The following SLC34A2 variants were observed in gnomAD, a reference collection of about 807,000 sequenced individuals.
SLC34A2 encodes solute carrier family 34 member 2.
SLC34A2 carries 41 observed loss-of-function variants against 50.8 expected under a neutral mutation model. The ratio of observed to expected loss-of-function variants is 0.81; its 90% CI spans 0.63 to 1.05. The LOEUF (loss-of-function observed/expected upper bound fraction) is 1.05, where lower values mean the gene tolerates loss of function less well. Ranked by LOEUF, SLC34A2 falls within the 50% of genes least tolerant of loss-of-function variation. The pLI is 0.00. For missense variants in SLC34A2, 879 were observed against 876.7 expected (o/e 1.00, Z -0.03); for synonymous variants, 401 against 364.2 (o/e 1.10, Z -1.15).
intron 1 of SLC34A2, among the ~76,000 whole-genome samples, chr4:25,659,901 C>T (rs1333975493): frequency 6.6e-6 from 1 of 152,196 alleles, no homozygotes; most frequent in Non-Finnish European, 1.5e-5. Context: ...GAGAACATTT[C>T]TGGATCTTGT....
rs556233120 is a variant in SLC34A2, at chr4:25,674,512, C to A, written c.1341C>A (p.Gly447=). 2 of 1,614,216 alleles carry A rather than the reference C, an allele frequency of 1.2e-6. No individual in the cohort carries two copies. Among genetic ancestry groups the A allele is most frequent in the Non-Finnish European group, 8.5e-7 (1 of 1,180,038 alleles). ...TSALTPLIGI[G]VITIERAYPL... ...GTTTTGTGTTTCCCCCAGGAATCGG[C>A]GTGATAACCATTGAGAGGGCTTATC... The change falls in exon 12 of 13, where the codon GGC becomes GGA. Residue 447 remains glycine (G), a synonymous_variant. Transcript: ENST00000382051.
chr4:25,676,213 C>G lies in SLC34A2; in HGVS notation c.1537C>G (p.Arg513Gly), dbSNP rs147732740. 999 of 1,614,220 alleles carry G rather than the reference C, an allele frequency of 6.2e-4. 4 individuals are homozygous for G. In the African/African-American group the frequency reaches 0.011, roughly 19 times the overall value. The change falls in exon 13 of 13, where the codon CGC becomes GGC. Residue 513 changes from arginine (R) to glycine (G), a missense_variant. Arg to Gly is a moderately radical substitution (Grantham distance 125). Coordinates refer to ENST00000382051, the MANE Select transcript of SLC34A2 (RefSeq NM_006424.3). Reference protein sequence around the residue: ...YPIPFTRLPIRMAKGLGNISA... With the variant: ...YPIPFTRLPIGMAKGLGNISA... The stretch of plus-strand genomic sequence containing the variant: ...GATCCCGTTCACTCGCCTGCCCATC[C>G]GCATGGCCAAGGGGCTGGGCAACAT...
At chr4:25,657,826 C>T (rs929620941) in intron 1 of SLC34A2, among the ~76,000 whole-genome samples, 2 of 152,158 alleles carry the variant, frequency 1.3e-5, no homozygotes, top group African/African-American at 4.8e-5. Context: ...CTCACAGGTT[C>T]AAGGGACTCT....
At chr4:25,663,062 C>A (rs1193163371) in intron 3 of SLC34A2, among the ~76,000 whole-genome samples, 1 of 152,028 alleles carries the variant, frequency 6.6e-6, no homozygotes, top group African/African-American at 2.4e-5. Flanking sequence ...GCAAGCTCTG[C>A]CCCGTGGGTT....
intron 1 of SLC34A2, among the ~76,000 whole-genome samples, chr4:25,658,036 T>G (rs1162313026): frequency 6.6e-6 from 1 of 152,198 alleles, no homozygotes; most frequent in Admixed American, 6.5e-5. Context: ...AACACTGGCC[T>G]GCATGAGGTT....
At chr4:25,665,075 TC>T (rs1461790190) in intron 4 of SLC34A2, 1 of 226,340 alleles carries the variant, frequency 4.4e-6, no homozygotes, top group African/African-American at 2.2e-5. Flanking sequence ...TTGGTGCCTT[TC>T]TTGGGAACCC....
At chr4:25,671,815 CAGT>C in intron 9 of SLC34A2, 94 bp downstream of exon 9, 4 of 1,558,904 alleles carry the variant, frequency 2.6e-6, no homozygotes, top group Non-Finnish European at 3.5e-6. Context: ...AAGGAAAGGA[CAGT>C]AGGAGTCACC....
chr4:25,658,641 A>G (rs1166709318), intron 1 of SLC34A2, among the ~76,000 whole-genome samples: 1 of 152,220 alleles, frequency 6.6e-6, no homozygotes, highest in Non-Finnish European at 1.5e-5. Flanking sequence ...CAAGAGGGTG[A>G]GGCACACAGG....
At chr4:25,670,695 T>C in intron 7 of SLC34A2, 43 bp from the exon 8 acceptor site, 2 of 1,501,278 alleles carry the variant, frequency 1.3e-6, no homozygotes, top group Non-Finnish European at 1.9e-6. Context: ...CCTAAATCGG[T>C]TCTGAGGATA....
chr4:25,676,944 G>C lies in SLC34A2; in HGVS notation c.*195G>C, dbSNP rs1219949445. ...GCAGGGCACTTTTATTCCAACCCCTGGTCACTCAGTAATCTTTTACTCCAG... is the reference window on the plus strand; with the variant it reads ...GCAGGGCACTTTTATTCCAACCCCTCGTCACTCAGTAATCTTTTACTCCAG... On this transcript the variant is annotated 3_prime_UTR_variant, in exon 13 of 13. Coordinates refer to ENST00000382051, the MANE Select transcript of SLC34A2 (RefSeq NM_006424.3). 3.0e-6 allele frequency: 2 copies of C among 660,006 alleles called. No individual in the cohort carries two copies. The highest frequency in any genetic ancestry group is 5.3e-6 in the Non-Finnish European group (2 of 380,340). The allele number at this position is 660,006 out of a possible 1,614,324, so 40.9% of individuals were successfully genotyped here.
chr4:25,676,473 G>A lies in SLC34A2; in HGVS notation c.1797G>A (p.Ser599=), dbSNP rs1278962049. The change falls in exon 13 of 13, where the codon TCG becomes TCA. Residue 599 remains serine (S), a synonymous_variant. Transcript: ENST00000382051. ...ACTTCCTGCCGCTGTGGATGCGCTC[G>A]CTGAAGCCCTGGGATGCCGTCGTCT... ...NWNFLPLWMR[S]LKPWDAVVSK... 2 of 1,614,168 alleles carry A rather than the reference G, an allele frequency of 1.2e-6. No individual in the cohort carries two copies. Among genetic ancestry groups the A allele is most frequent in the Non-Finnish European group, 8.5e-7 (1 of 1,180,038 alleles).
intron 4 of SLC34A2, chr4:25,665,063 C>T (rs1193889688): frequency 8.8e-6 from 2 of 226,232 alleles, no homozygotes; most frequent in East Asian, 6.3e-5. Context: ...TTTCTGCAAC[C>T]CTTGGTGCCT....
chr4:25,662,982 C>CA, intron 3 of SLC34A2, 140 bp downstream of exon 3: 1 of 792,500 alleles, frequency 1.3e-6, no homozygotes, highest in Non-Finnish European at 1.9e-6. Context: ...ACCCTCTCAT[C>CA]TTTTTTTTTT....
rs556837645 is a variant in SLC34A2, at chr4:25,676,970, G to T, written c.*221G>T. On this transcript the variant is annotated 3_prime_UTR_variant, in exon 13 of 13. Transcript: ENST00000382051. ...GTCACTCAGTAATCTTTTACTCCAG[G>T]AAGGCACAGGATGGTACCTAAAGAG... is the stretch of plus-strand genomic sequence containing the variant. The T allele has an allele frequency of 4.6e-5, 28 of 605,110 alleles. No homozygotes were observed. The highest frequency in any genetic ancestry group is 4.3e-4 in the African/African-American group (23 of 54,088). 37.5% of individuals were successfully genotyped at this position (605,110 alleles called of 1,614,324 possible).
chr4:25,659,649 C>G (rs1714076883), intron 1 of SLC34A2, among the ~76,000 whole-genome samples: 1 of 152,114 alleles, frequency 6.6e-6, no homozygotes, highest in Non-Finnish European at 1.5e-5. Context: ...GCTCAGTAAG[C>G]AAGATGGTAT....
At chr4:25,676,061 C>T in intron 12 of SLC34A2, 74 bp from the exon 13 acceptor site, 2 of 1,585,326 alleles carry the variant, frequency 1.3e-6, no homozygotes. Flanking sequence ...GCTAGCTTAC[C>T]TCCCCCTCCT....
intron 9 of SLC34A2, among the ~76,000 whole-genome samples, chr4:25,672,254 C>A (rs1388291496): frequency 6.6e-6 from 1 of 152,152 alleles, no homozygotes; most frequent in Non-Finnish European, 1.5e-5. Flanking sequence ...CCAGCCTGGG[C>A]AACAGGGAGA....
intron 1 of SLC34A2, among the ~76,000 whole-genome samples, chr4:25,662,151 C>T (rs775378265): frequency 2.0e-5 from 3 of 152,196 alleles, no homozygotes; most frequent in Admixed American, 6.5e-5. Context: ...GGATTACAGG[C>T]GTGAGCCACG....
chr4:25,660,259 G>T (rs544872265), intron 1 of SLC34A2, among the ~76,000 whole-genome samples: 1 of 152,194 alleles, frequency 6.6e-6, no homozygotes, highest in Non-Finnish European at 1.5e-5. Flanking sequence ...ACGAAGAAAG[G>T]AGTCAGGTGG....
Sources: gnomAD v4.1 joint callset for allele counts (sites outside exome capture counted in the v4.1 genomes callset) on GRCh38, gnomAD v4.1.1 for gene constraint, MANE v1.5 for transcripts, NCBI Gene and HGNC (gene_info 2026-07-23, HGNC 2026-07-21) for gene names.